Variants in INTS4 observed in about 807,000 individuals in gnomAD.
The protein encoded by INTS4 is integrator complex subunit 4, also known as MSTP093.
Under a neutral mutation model 119.5 loss-of-function variants are expected in INTS4, and 70 were observed. The observed-to-expected ratio is 0.59, with a 90% CI of 0.48 to 0.71. The LOEUF is 0.71. Among genes scored for constraint, INTS4 ranks in the 30% least tolerant of loss-of-function variants. The probability of loss-of-function intolerance (pLI) is 0.00; values close to 1 mark genes in which losing one functional copy is unlikely to be tolerated. For synonymous variants in INTS4, 316 were observed against 419.6 expected, an observed-to-expected ratio of 0.75 and a Z score of 3.02; for missense variants, 867 against 1,173.2, an observed-to-expected ratio of 0.74 and a Z score of 3.81.
chr11:77,930,719 C>G (rs191079835), intron 10 of INTS4, among the ~76,000 whole-genome samples: 627 of 152,254 alleles, frequency 4.1e-3, no homozygotes, highest in Admixed American at 6.5e-3. Flanking sequence ...GTATGTCACG[C>G]CTGTAATCCC....
chr11:77,979,007 C>T lies in INTS4; in HGVS notation c.460G>A (p.Val154Met), dbSNP rs770231236. The change falls in exon 4 of 23, where the codon GTG becomes ATG. Residue 154 changes from valine to methionine, a missense_variant. Physicochemically the swap from Val to Met is conservative, Grantham distance 21. Coordinates refer to ENST00000534064, the MANE Select transcript of INTS4 (RefSeq NM_033547.4). ...TTTTATACTCTTACCTTGCAGGCCA[C>T]ATCAACTAATCGCATTTGGATAGCT... is the stretch of plus-strand genomic sequence containing the variant. Reference protein sequence around the residue: ...NQAIQMRLVDVACKHLTDTSH... With the variant: ...NQAIQMRLVDMACKHLTDTSH... 1 of 1,604,816 alleles carries T rather than the reference C, an allele frequency of 6.2e-7. No individual in the cohort carries two copies. Among genetic ancestry groups the T allele is most frequent in the Admixed American group, 1.7e-5 (1 of 59,982 alleles).
At chr11:77,939,542 C>T (rs1165813461) in intron 9 of INTS4, among the ~76,000 whole-genome samples, 3 of 152,102 alleles carry the variant, frequency 2.0e-5, no homozygotes, top group Non-Finnish European at 2.9e-5. Flanking sequence ...ATCTAGTAAA[C>T]TCACTTTACA....
chr11:77,899,536 G>T (rs983362690), intron 18 of INTS4, among the ~76,000 whole-genome samples: 1 of 151,952 alleles, frequency 6.6e-6, no homozygotes, highest in Non-Finnish European at 1.5e-5. Context: ...CGGGCATGGT[G>T]TTGCATGCCT....
intron 16 of INTS4, among the ~76,000 whole-genome samples, chr11:77,904,060 A>G (rs1372186137): frequency 6.6e-6 from 1 of 152,158 alleles, no homozygotes; most frequent in African/African-American, 2.4e-5. Context: ...CACTTTATCA[A>G]CATATTCAAC....
At position 77,987,808 on chromosome 11, in the gene INTS4, G is replaced by C. The variant is rs1200096951; in HGVS notation, c.246+3300C>G. On this transcript the variant is annotated intron_variant, in intron 2 of 22. Transcript: ENST00000534064. The stretch of plus-strand genomic sequence containing the variant: ...AGGATGGCTTGAGCCTGGGAGTCCA[G>C]ACTTCAGTGGGCAGTGATCACGCCA... 1.1e-5 allele frequency: 4 copies of C among 348,654 alleles called. No homozygotes were observed. The East Asian group carries it at 3.4e-4, about 30-fold the overall frequency. 21.6% of individuals were successfully genotyped at this position (348,654 alleles called of 1,614,324 possible).
chr11:77,893,702 G>C (rs1332807874), intron 19 of INTS4, among the ~76,000 whole-genome samples: 1 of 152,004 alleles, frequency 6.6e-6, no homozygotes, highest in African/African-American at 2.4e-5. Flanking sequence ...AGACCAGCCT[G>C]GCCAACATGA....
At chr11:77,929,228 T>G (rs1352886784) in intron 10 of INTS4, among the ~76,000 whole-genome samples, 1 of 152,046 alleles carries the variant, frequency 6.6e-6, no homozygotes, top group Non-Finnish European at 1.5e-5. Flanking sequence ...AGCCATGGGA[T>G]AAGTCCAAGA....
chr11:77,956,501 G>A (rs1277693795), intron 7 of INTS4, among the ~76,000 whole-genome samples: 1 of 152,146 alleles, frequency 6.6e-6, no homozygotes, highest in Non-Finnish European at 1.5e-5. Context: ...GAGGTCAAGA[G>A]TTCGAGACCA....
At position 77,994,604 on chromosome 11, in the gene INTS4, T is replaced by C; in HGVS notation, c.40A>G (p.Thr14Ala). 1 of 1,613,936 alleles carries C rather than the reference T, an allele frequency of 6.2e-7. No homozygotes were observed. Among genetic ancestry groups the C allele is most frequent in the Non-Finnish European group, 8.5e-7 (1 of 1,179,800 alleles). Reference sequence around the variant, plus strand: ...CCAGAGCTTACCTGAACCACTTTCGTGAATTCCTCATAAACCCGCTTCTTA... The same window carrying C: ...CCAGAGCTTACCTGAACCACTTTCGCGAATTCCTCATAAACCCGCTTCTTA... ...HLKKRVYEEFTKVVQPQEEIA... is the reference protein window; with the variant it reads ...HLKKRVYEEFAKVVQPQEEIA... Residue 14 changes from threonine to alanine, a missense_variant, in exon 1 of 23, where the codon ACG (threonine) becomes GCG (alanine). Around this residue, in one of 5 missense-constraint regions of INTS4, gnomAD observed 224 missense variants for 231.8 expected, o/e 0.97. Transcript: ENST00000534064.
chr11:77,956,924 A>G (rs1451722673), intron 7 of INTS4, among the ~76,000 whole-genome samples: 1 of 152,194 alleles, frequency 6.6e-6, no homozygotes, highest in East Asian at 1.9e-4. Flanking sequence ...CAACTCTTTC[A>G]GTTGCATTGC....
At chr11:77,950,315 T>A (rs924547174) in intron 8 of INTS4, among the ~76,000 whole-genome samples, 1 of 151,902 alleles carries the variant, frequency 6.6e-6, no homozygotes, top group African/African-American at 2.4e-5. Context: ...TGTATACCTA[T>A]GTCACAAACC....
chr11:77,968,027 A>C (rs555875223), intron 4 of INTS4, among the ~76,000 whole-genome samples: 1 of 152,330 alleles, frequency 6.6e-6, no homozygotes, highest in Admixed American at 6.5e-5. Flanking sequence ...TAGGCTATAA[A>C]CCTGTACAAC....
chr11:77,980,107 A>G (rs923646766), intron 3 of INTS4, among the ~76,000 whole-genome samples: 2 of 151,520 alleles, frequency 1.3e-5, no homozygotes, highest in Admixed American at 6.6e-5. Flanking sequence ...ACCCTTGCCT[A>G]TCTTTCTAGC....
chr11:77,922,221 C>CT, intron 13 of INTS4, 135 bp downstream of exon 13: 1 of 1,071,148 alleles, frequency 9.3e-7, no homozygotes, highest in Non-Finnish European at 1.3e-6. Flanking sequence ...GAATGAGACT[C>CT]TGTCTTCAAA....
intron 17 of INTS4, 97 bp from the exon 18 acceptor site, chr11:77,901,648 T>G: frequency 1.2e-6 from 1 of 863,466 alleles, no homozygotes; most frequent in Non-Finnish European, 1.9e-6. Flanking sequence ...GGTGAAACTC[T>G]TAACTGAGAT....
intron 4 of INTS4, among the ~76,000 whole-genome samples, chr11:77,973,412 C>T (rs563181051): frequency 6.6e-6 from 1 of 152,140 alleles, no homozygotes; most frequent in South Asian, 2.1e-4. Flanking sequence ...CTTTTCTATG[C>T]CTAATATCCC....
chr11:77,948,451 A>G (rs1010469537), intron 8 of INTS4, among the ~76,000 whole-genome samples: 4 of 152,112 alleles, frequency 2.6e-5, no homozygotes, highest in African/African-American at 9.7e-5. Flanking sequence ...GTTTGAGACC[A>G]GCATGGCCAA....
chr11:77,953,222 A>ACC (rs1954237481), intron 8 of INTS4, among the ~76,000 whole-genome samples: 1 of 152,152 alleles, frequency 6.6e-6, no homozygotes, highest in Admixed American at 6.5e-5. Context: ...CAACAATCTC[A>ACC]CCAAGAGTGG....
intron 4 of INTS4, among the ~76,000 whole-genome samples, chr11:77,962,983 C>G (rs1855304692): frequency 6.6e-6 from 1 of 152,104 alleles, no homozygotes; most frequent in African/African-American, 2.4e-5. Flanking sequence ...CCACTGCACT[C>G]CAGCCTGAGC....
Sources: allele counts gnomAD v4.1 joint callset (sites outside exome capture counted in the v4.1 genomes callset), GRCh38; gene constraint gnomAD v4.1.1; regional missense constraint gnomAD v4.1.1; transcripts MANE v1.5; gene names NCBI Gene and HGNC (gene_info 2026-07-23, HGNC 2026-07-21).